Variants in TRIM61 observed in about 807,000 individuals in gnomAD.
TRIM61 encodes the protein tripartite motif containing 61.
Under a neutral mutation model 14.2 loss-of-function variants are expected in TRIM61, and 1 was observed. The ratio of observed to expected loss-of-function variants is 0.07; its 90% CI spans 0.03 to 0.33. The LOEUF (loss-of-function observed/expected upper bound fraction) is 0.33, where lower values mean the gene tolerates loss of function less well. TRIM61 is among the 10% of genes least tolerant of loss of function. The pLI, the probability that TRIM61 is intolerant of heterozygous loss-of-function variation, is 0.99. For synonymous variants in TRIM61, 8 were observed against 71.6 expected (o/e 0.11, Z 4.49); for missense variants, 19 against 202.2 (o/e 0.09, Z 5.49).
chr4:164,964,373 A>G (rs1333751502), intron 3 of TRIM61, among the ~76,000 whole-genome samples: 1 of 151,718 alleles, frequency 6.6e-6, no homozygotes, highest in African/African-American at 2.4e-5. Flanking sequence ...AAAAGAAACT[A>G]GAGAAAAAAA....
intron 4 of TRIM61, chr4:164,954,947 A>G (rs1457668271): frequency 9.2e-6 from 3 of 326,020 alleles, no homozygotes; most frequent in African/African-American, 2.2e-5. Flanking sequence ...CTAGAAATAC[A>G]GAAGTTAGCT....
At chr4:164,956,902 T>G (rs1579140191) in intron 3 of TRIM61, 1 of 1,001,640 alleles carries the variant, frequency 1.0e-6, no homozygotes, top group Non-Finnish European at 1.4e-6. Context: ...GTAGCGGAAG[T>G]CGGAGCGGCA....
intron 3 of TRIM61, chr4:164,957,299 T>A: frequency 1.9e-6 from 3 of 1,614,178 alleles, no homozygotes; most frequent in Non-Finnish European, 2.5e-6. Context: ...CAGCCGCTCA[T>A]GGTGCCCAGA....
At chr4:164,968,524 C>T in intron 3 of TRIM61, 1 of 985,558 alleles carries the variant, frequency 1.0e-6, no homozygotes, top group African/African-American at 1.7e-5. Context: ...ACAGAATAGC[C>T]AAAACTAGAT....
At chr4:164,957,086 G>C (rs1732011557) in intron 3 of TRIM61, 2 of 1,552,890 alleles carry the variant, frequency 1.3e-6, no homozygotes, top group South Asian at 1.2e-5. Flanking sequence ...CGCCTGGAGA[G>C]CCAGCCCTGC....
chr4:164,963,697 T>C (rs1215313084), intron 3 of TRIM61, among the ~76,000 whole-genome samples: 4 of 150,186 alleles, frequency 2.7e-5, no homozygotes, highest in Non-Finnish European at 5.9e-5. Context: ...TAAGCCGAGA[T>C]TGTGCCATTG....
intron 3 of TRIM61, among the ~76,000 whole-genome samples, chr4:164,961,979 A>G (rs996701289): frequency 7.2e-5 from 11 of 152,136 alleles, no homozygotes; most frequent in Admixed American, 6.6e-5. Flanking sequence ...TAGGCTATAA[A>G]CCTGTACAGC....
At chr4:164,967,927 G>A (rs1013369395) in intron 3 of TRIM61, among the ~76,000 whole-genome samples, 6 of 151,960 alleles carry the variant, frequency 3.9e-5, no homozygotes, top group Non-Finnish European at 5.9e-5. Context: ...CGAGGCAGGT[G>A]AATCACTGGA....
intron 3 of TRIM61, chr4:164,958,607 G>A (rs1476934860): frequency 6.0e-6 from 1 of 166,926 alleles, no homozygotes; most frequent in Non-Finnish European, 1.5e-5. Flanking sequence ...AACAGTATTA[G>A]AAATGCCTAC....
At chr4:164,967,838 TA>T (rs755202669) in intron 3 of TRIM61, among the ~76,000 whole-genome samples, 3,662 of 139,758 alleles carry the variant, frequency 0.026, 95 homozygotes, top group African/African-American at 0.071. Context: ...AAACTTTAGT[TA>T]AAAAAAAAAA....
At chr4:164,964,078 G>A (rs972206690) in intron 3 of TRIM61, among the ~76,000 whole-genome samples, 5 of 151,756 alleles carry the variant, frequency 3.3e-5, no homozygotes, top group African/African-American at 1.2e-4. Context: ...GGCCGGGCGC[G>A]GTGGCTCATG....
At chr4:164,956,848 A>T in intron 3 of TRIM61, 1 of 642,216 alleles carries the variant, frequency 1.6e-6, no homozygotes, top group Non-Finnish European at 2.6e-6. Flanking sequence ...GGGCTTCAGC[A>T]CCCCAAGCAC....
At chr4:164,963,797 AT>A (rs1376409191) in intron 3 of TRIM61, among the ~76,000 whole-genome samples, 1 of 151,998 alleles carries the variant, frequency 6.6e-6, no homozygotes, top group African/African-American at 2.4e-5. Context: ...ACTATACAAA[AT>A]TATAATAGAT....
intron 2 of TRIM61, among the ~76,000 whole-genome samples, chr4:164,974,793 G>T (rs1248305357): frequency 2.6e-5 from 4 of 152,144 alleles, no homozygotes; most frequent in Non-Finnish European, 4.4e-5. Context: ...CACACTAAGC[G>T]TGGCTATGGT....
intron 3 of TRIM61, among the ~76,000 whole-genome samples, chr4:164,964,148 G>A (rs1041609200): frequency 2.6e-5 from 4 of 151,804 alleles, no homozygotes; most frequent in Non-Finnish European, 5.9e-5. Context: ...AGGAAATCGA[G>A]ACCATCCTGG....
At chr4:164,968,808 C>A in intron 3 of TRIM61, 2 of 978,128 alleles carry the variant, frequency 2.0e-6, no homozygotes, top group Non-Finnish European at 2.4e-6. Context: ...TGGCCCAATA[C>A]AATATAATTA....
chr4:164,967,481 C>A (rs1458691764), intron 3 of TRIM61, among the ~76,000 whole-genome samples: 2 of 152,042 alleles, frequency 1.3e-5, no homozygotes, highest in East Asian at 3.9e-4. Context: ...GATCAGTTCC[C>A]AAAGTGAAGT....
At chr4:164,957,569 A>G in intron 3 of TRIM61, 2 of 1,462,810 alleles carry the variant, frequency 1.4e-6, no homozygotes, top group East Asian at 2.3e-5. Context: ...AATGCTTTAA[A>G]TAAGCCAAAA....
At chr4:164,972,512 G>GT (rs397951264) in intron 2 of TRIM61, among the ~76,000 whole-genome samples, 1 of 152,002 alleles carries the variant, frequency 6.6e-6, no homozygotes, top group African/African-American at 2.4e-5. Flanking sequence ...GTGTGTGTGT[G>GT]GAGCCTTGTT....
Sources: allele counts gnomAD v4.1 joint callset (sites outside exome capture counted in the v4.1 genomes callset), GRCh38; gene constraint gnomAD v4.1.1; transcripts MANE v1.5; gene names NCBI Gene and HGNC (gene_info 2026-07-23, HGNC 2026-07-21).